Variants in TSNAX observed in about 807,000 individuals in gnomAD.
The protein encoded by TSNAX is translin-associated protein X.
Under a neutral mutation model 33.0 loss-of-function variants are expected in TSNAX, and 12 were observed. The ratio of observed to expected loss-of-function variants is 0.36; its 90% CI spans 0.23 to 0.59. TSNAX has a LOEUF of 0.59. Among genes scored for constraint, TSNAX ranks in the 20% least tolerant of loss-of-function variants. The pLI is 0.74. For missense variants in TSNAX, 267 were observed against 341.3 expected, an observed-to-expected ratio of 0.78 and a Z score of 1.72; for synonymous variants, 110 against 117.2, an observed-to-expected ratio of 0.94 and a Z score of 0.40.
At chr1:231,543,895 T>C (rs572126991) in intron 4 of TSNAX, among the ~76,000 whole-genome samples, 1 of 152,358 alleles carries the variant, frequency 6.6e-6, no homozygotes, top group African/African-American at 2.4e-5. Context: ...GAATTTAGTT[T>C]GTTGTAAAGT....
intron 4 of TSNAX, 132 bp downstream of exon 4, chr1:231,542,743 T>C (rs1659658658): frequency 9.1e-7 from 1 of 1,099,452 alleles, no homozygotes; most frequent in African/African-American, 1.6e-5. Flanking sequence ...TGCAACTTTG[T>C]AGTAATATAG....
intron 4 of TSNAX, among the ~76,000 whole-genome samples, chr1:231,559,891 T>TA (rs1410392519): frequency 6.6e-6 from 1 of 151,682 alleles, no homozygotes; most frequent in Non-Finnish European, 1.5e-5. Flanking sequence ...TATGAAAAGA[T>TA]AAACGGTATT....
intron 3 of TSNAX, among the ~76,000 whole-genome samples, chr1:231,539,001 A>T (rs1659376212): frequency 6.6e-6 from 1 of 151,948 alleles, no homozygotes; most frequent in South Asian, 2.1e-4. Context: ...TAATTCTCAC[A>T]TTTTAATTTT....
At chr1:231,559,571 G>T (rs543996346) in intron 4 of TSNAX, among the ~76,000 whole-genome samples, 1 of 152,110 alleles carries the variant, frequency 6.6e-6, no homozygotes, top group Non-Finnish European at 1.5e-5. Context: ...CTCGTGACCC[G>T]CTGGCCTTGG....
intron 2 of TSNAX, chr1:231,534,676 A>T (rs1659040452): frequency 6.6e-6 from 1 of 152,214 alleles, no homozygotes. Flanking sequence ...TTCCTTTTCA[A>T]CAATTTCTTA....
At chr1:231,560,224 C>T (rs2124943271) in intron 4 of TSNAX, among the ~76,000 whole-genome samples, 1 of 151,646 alleles carries the variant, frequency 6.6e-6, no homozygotes, top group South Asian at 2.1e-4. Context: ...CGTGATCCAC[C>T]CGCCTGGGCC....
At chr1:231,561,964 A>G (rs1661146302) in intron 5 of TSNAX, among the ~76,000 whole-genome samples, 2 of 152,152 alleles carry the variant, frequency 1.3e-5, no homozygotes, top group African/African-American at 4.8e-5. Flanking sequence ...CATAATGCTT[A>G]TATCTGAAAT....
intron 4 of TSNAX, among the ~76,000 whole-genome samples, chr1:231,543,482 C>T (rs1399060445): frequency 3.3e-5 from 5 of 152,024 alleles, no homozygotes; most frequent in Non-Finnish European, 7.4e-5. Context: ...CTTTGAGCAT[C>T]GTGTCAGCAC....
intron 4 of TSNAX, among the ~76,000 whole-genome samples, chr1:231,545,893 A>C (rs947122234): frequency 6.6e-6 from 1 of 152,250 alleles, no homozygotes; most frequent in Non-Finnish European, 1.5e-5. Flanking sequence ...TGAGGCTCAC[A>C]AGTTATGCTC....
chr1:231,547,011 C>A (rs550950564), intron 4 of TSNAX, among the ~76,000 whole-genome samples: 1 of 152,242 alleles, frequency 6.6e-6, no homozygotes, highest in East Asian at 1.9e-4. Flanking sequence ...GGTCTCTGTG[C>A]GTGCCAAGGA....
intron 4 of TSNAX, among the ~76,000 whole-genome samples, chr1:231,559,398 G>A (rs908249166): frequency 6.6e-6 from 1 of 151,946 alleles, no homozygotes; most frequent in Non-Finnish European, 1.5e-5. Context: ...GCACAATCTC[G>A]GCTCATTACA....
At chr1:231,552,177 C>G (rs547894194) in intron 4 of TSNAX, among the ~76,000 whole-genome samples, 2 of 151,950 alleles carry the variant, frequency 1.3e-5, no homozygotes, top group Non-Finnish European at 2.9e-5. Flanking sequence ...CCCAGCTACT[C>G]GGGAGGCTGA....
intron 5 of TSNAX, among the ~76,000 whole-genome samples, chr1:231,561,577 A>ATAT (rs1661116896): frequency 1.3e-5 from 2 of 152,200 alleles, no homozygotes; most frequent in South Asian, 4.1e-4. Context: ...TTTATTAACC[A>ATAT]TATGTGGTAA....
At chr1:231,535,395 AATT>A in intron 2 of TSNAX, 1 of 147,334 alleles carries the variant, frequency 6.8e-6, no homozygotes, top group Non-Finnish European at 1.5e-5. Context: ...AATACAAAGT[AATT>A]ATTTTGTTAA....
At chr1:231,558,831 G>A (rs1018438060) in intron 4 of TSNAX, among the ~76,000 whole-genome samples, 2 of 151,816 alleles carry the variant, frequency 1.3e-5, no homozygotes, top group African/African-American at 4.8e-5. Flanking sequence ...ACTTAACCTC[G>A]TTAATGTTTA....
At chr1:231,538,242 C>G (rs1459924765) in intron 3 of TSNAX, among the ~76,000 whole-genome samples, 2 of 152,166 alleles carry the variant, frequency 1.3e-5, no homozygotes, top group African/African-American at 4.8e-5. Flanking sequence ...AAGAAACTAA[C>G]TTAAACTAGT....
chr1:231,542,957 TCAC>T, intron 4 of TSNAX: 2 of 156,590 alleles, frequency 1.3e-5, no homozygotes, highest in Non-Finnish European at 2.8e-5. Flanking sequence ...GGCGGGTGGA[TCAC>T]CAGGTCAGGA....
chr1:231,542,392 A>G, intron 3 of TSNAX, 89 bp from the exon 4 acceptor site: 1 of 1,401,064 alleles, frequency 7.1e-7, no homozygotes, highest in Non-Finnish European at 9.8e-7. Context: ...TGCATACAAT[A>G]TTTAGCCCTA....
rs903319893 is a variant in TSNAX, at chr1:231,561,565, C to G, written c.495+310C>G. On this transcript the variant is annotated intron_variant, in intron 5 of 5. Coordinates refer to ENST00000366639, the MANE Select transcript of TSNAX (RefSeq NM_005999.3). ...TTTGTAAGCACTGTCTTATTTAATC[C>G]TTTTATTAACCATATGTGGTAAGCA... Among the ~76,000 whole-genome samples the G allele has an allele frequency of 6.6e-5, 10 of 152,196 alleles. 1 individual carries two copies. Among genetic ancestry groups the G allele is most frequent in the Middle Eastern group, 6.8e-3 (2 of 294 alleles).
Sources: allele counts gnomAD v4.1 joint callset (sites outside exome capture counted in the v4.1 genomes callset), GRCh38; gene constraint gnomAD v4.1.1; transcripts MANE v1.5; gene names NCBI Gene and HGNC (gene_info 2026-07-23, HGNC 2026-07-21).